ADAMTSL2: variants seen among roughly 807,000 people sequenced by gnomAD.
ADAMTSL2 encodes ADAMTS like 2.
ADAMTSL2 carries 55 observed loss-of-function variants against 117.0 expected under a neutral mutation model. That is an observed-to-expected ratio of 0.47 (90% confidence interval 0.38 to 0.59). The LOEUF is 0.59. Ranked by LOEUF, ADAMTSL2 falls within the 20% of genes least tolerant of loss-of-function variation. The pLI, the probability that ADAMTSL2 is intolerant of heterozygous loss-of-function variation, is 0.00. For missense variants in ADAMTSL2, 1,182 were observed against 1,354.5 expected, an observed-to-expected ratio of 0.87 and a Z score of 2.00; for synonymous variants, 572 against 566.4, an observed-to-expected ratio of 1.01 and a Z score of -0.14.
chr9:133,543,686 C>T (rs1399320400), intron 7 of ADAMTSL2, among the ~76,000 whole-genome samples: 3 of 152,326 alleles, frequency 2.0e-5, no homozygotes, highest in African/African-American at 4.8e-5. Context: ...CAGAGGGATC[C>T]GGTGAGACAA....
At chr9:133,550,782 G>T (rs1443112374) in intron 9 of ADAMTSL2, among the ~76,000 whole-genome samples, 3 of 152,168 alleles carry the variant, frequency 2.0e-5, no homozygotes, top group African/African-American at 4.8e-5. Context: ...CCTCCACGCT[G>T]ATTCATTCAC....
intron 17 of ADAMTSL2, among the ~76,000 whole-genome samples, chr9:133,571,350 C>G (rs1831102161): frequency 1.3e-5 from 2 of 152,210 alleles, no homozygotes; most frequent in African/African-American, 4.8e-5. Flanking sequence ...GGTGTGGCAT[C>G]TGCAAGGGAA....
chr9:133,549,813 T>A (rs905436552), intron 9 of ADAMTSL2, among the ~76,000 whole-genome samples: 3 of 152,212 alleles, frequency 2.0e-5, no homozygotes, highest in Non-Finnish European at 2.9e-5. Context: ...AATGAAACTG[T>A]TGCTTCGTCT....
chr9:133,571,838 C>T (rs940982193), intron 17 of ADAMTSL2, among the ~76,000 whole-genome samples: 1 of 152,158 alleles, frequency 6.6e-6, no homozygotes, highest in Non-Finnish European at 1.5e-5. Context: ...TCTCCAGCTA[C>T]CTCTGCCCTC....
intron 9 of ADAMTSL2, 125 bp downstream of exon 9, chr9:133,547,338 C>A: frequency 1.1e-6 from 1 of 907,572 alleles, no homozygotes; most frequent in Non-Finnish European, 1.7e-6. Context: ...CACCCGGCAG[C>A]CTCACCACTC....
intron 9 of ADAMTSL2, among the ~76,000 whole-genome samples, chr9:133,551,389 G>A (rs1462824384): frequency 6.6e-6 from 1 of 152,192 alleles, no homozygotes; most frequent in Non-Finnish European, 1.5e-5. Flanking sequence ...TGCTGACACA[G>A]CTTTGTCGTA....
chr9:133,541,373 C>T (rs1232904177), intron 7 of ADAMTSL2, among the ~76,000 whole-genome samples: 1 of 151,804 alleles, frequency 6.6e-6, no homozygotes, highest in African/African-American at 2.4e-5. Context: ...ACTGCAACCT[C>T]TGCCTCCCAG....
rs1290867172 is a variant in ADAMTSL2 at position 133,571,549 on chromosome 9, C to T, written c.2592+1042C>T. 9.2e-5 allele frequency among the ~76,000 whole-genome samples: 14 copies of T among 152,180 alleles called. 1 individual carries two copies. The East Asian group carries it at 1.2e-3, about 13-fold the overall frequency. ...TCTGCTGCACTTCCTGTGGGGCCTC[C>T]GGGTGACTCCAGAGCCTCGCCATGT... is the stretch of plus-strand genomic sequence containing the variant. On this transcript the variant is annotated intron_variant, in intron 17 of 18. Coordinates refer to ENST00000651351, the MANE Select transcript of ADAMTSL2 (RefSeq NM_014694.4).
chr9:133,552,374 C>A (rs960455464), intron 9 of ADAMTSL2, among the ~76,000 whole-genome samples: 1 of 152,154 alleles, frequency 6.6e-6, no homozygotes, highest in African/African-American at 2.4e-5. Flanking sequence ...TTTACCAAGA[C>A]CTCTGGCACC....
Position 133,574,005 on chromosome 9 carries a change from C to T in ADAMTSL2, c.2737+18C>T, listed in dbSNP as rs1047558893. 4.5e-5 allele frequency: 72 copies of T among 1,606,158 alleles called. No individual in the cohort carries two copies. The highest frequency in any genetic ancestry group is 2.8e-4 in the African/African-American group (21 of 74,914). On this transcript the variant is annotated intron_variant, in intron 18 of 18. Coordinates refer to ENST00000651351, the MANE Select transcript of ADAMTSL2 (RefSeq NM_014694.4). ...GCCCCCAGGTGAGGCGCGGGGAGGC[C>T]GAGGGTGGCTCTGGGAATTCCCAGG... is the stretch of plus-strand genomic sequence containing the variant.
At chr9:133,571,217 T>C (rs1289763381) in intron 17 of ADAMTSL2, among the ~76,000 whole-genome samples, 1 of 152,198 alleles carries the variant, frequency 6.6e-6, no homozygotes, top group Non-Finnish European at 1.5e-5. Context: ...GGAGAGGTTC[T>C]TTTCCCCATT....
At chr9:133,569,630 G>A (rs904651093) in intron 16 of ADAMTSL2, 52 bp downstream of exon 16, 27 of 1,533,504 alleles carry the variant, frequency 1.8e-5, no homozygotes, top group Non-Finnish European at 2.6e-6. Context: ...GAGAGCATTT[G>A]GCCAGAGAGG....
Position 133,538,499 on chromosome 9 carries a change from G to T in ADAMTSL2, c.309+75G>T, listed in dbSNP as rs559468106. ...ATGCAGTTTTCAGGGGGTCTTCCAG[G>T]TGGCTCCTGGGCATTCTGGGCATTC... On this transcript the variant is annotated intron_variant, in intron 4 of 18. Coordinates refer to ENST00000651351, the MANE Select transcript of ADAMTSL2 (RefSeq NM_014694.4). 1.9e-6 allele frequency: 3 copies of T among 1,548,808 alleles called. 1 individual carries two copies. The South Asian group carries it at 3.3e-5, about 17-fold the overall frequency.
Position 133,569,588 on chromosome 9 carries a change from C to T in ADAMTSL2, c.2415+10C>T. ...CCAGGACTGGGAGCGGGTGAGTGCC[C>T]CAGAGCCCGCGGAAGGGCCTCCTGG... On this transcript the variant is annotated intron_variant, in intron 16 of 18. Coordinates refer to ENST00000651351, the MANE Select transcript of ADAMTSL2 (RefSeq NM_014694.4). The T allele has an allele frequency of 6.4e-7, 1 of 1,558,894 alleles. No individual in the cohort carries two copies. The highest frequency in any genetic ancestry group is 8.7e-7 in the Non-Finnish European group (1 of 1,150,798).
At chr9:133,546,194 G>T (rs1423090058) in intron 8 of ADAMTSL2, among the ~76,000 whole-genome samples, 1 of 152,116 alleles carries the variant, frequency 6.6e-6, no homozygotes, top group Non-Finnish European at 1.5e-5. Context: ...AGTTCCCCTT[G>T]AAACCCCACC....
intron 2 of ADAMTSL2, 62 bp from the exon 3 acceptor site, chr9:133,537,343 G>T: frequency 7.6e-7 from 1 of 1,323,962 alleles, no homozygotes; most frequent in Non-Finnish European, 9.7e-7. Flanking sequence ...GCATGGGGTG[G>T]GGGCAGGCTG....
chr9:133,546,935 G>A (rs770433314), intron 8 of ADAMTSL2, 103 bp from the exon 9 acceptor site: 10 of 1,213,788 alleles, frequency 8.2e-6, no homozygotes, highest in East Asian at 2.3e-5. Context: ...CATTTGAGCC[G>A]GGGTTCTGGA....
At chr9:133,536,415 T>G in intron 1 of ADAMTSL2, 148 bp from the exon 2 acceptor site, 1 of 1,189,274 alleles carries the variant, frequency 8.4e-7, no homozygotes, top group South Asian at 1.6e-5. Flanking sequence ...ATGGCATGCT[T>G]CCCTGCATGC....
chr9:133,542,207 C>T (rs1230710224), intron 7 of ADAMTSL2, among the ~76,000 whole-genome samples: 2 of 152,152 alleles, frequency 1.3e-5, no homozygotes, highest in Non-Finnish European at 2.9e-5. Flanking sequence ...GAGGGTGGGG[C>T]TTGGACATGG....
Sources: allele counts gnomAD v4.1 joint callset (sites outside exome capture counted in the v4.1 genomes callset), GRCh38; gene constraint gnomAD v4.1.1; transcripts MANE v1.5; gene names NCBI Gene and HGNC (gene_info 2026-07-23, HGNC 2026-07-21).